Variants in SMAD6 observed in about 807,000 individuals in gnomAD.
SMAD6 encodes MAD homolog 6.
SMAD6 carries 103 observed loss-of-function variants against 39.4 expected under a neutral mutation model. That is an observed-to-expected ratio of 2.62 (90% CI 2.23 to 3.08). The LOEUF (loss-of-function observed/expected upper bound fraction) is 3.08, where lower values mean the gene tolerates loss of function less well. Among genes scored for constraint, SMAD6 ranks in the 30% most tolerant of loss-of-function variants. SMAD6 has a pLI of 0.00. For missense variants in SMAD6, 1,104 were observed against 742.9 expected, an observed-to-expected ratio of 1.49 and a Z score of -5.65; for synonymous variants, 445 against 353.3, an observed-to-expected ratio of 1.26 and a Z score of -2.91.
chr15:66,760,011 G>A (rs1296065536), intron 3 of SMAD6, among the ~76,000 whole-genome samples: 3 of 152,148 alleles, frequency 2.0e-5, no homozygotes, highest in Non-Finnish European at 2.9e-5. Flanking sequence ...CTGGTCAAAC[G>A]AGACCTTTCT....
chr15:66,747,673 C>G lies in SMAD6; in HGVS notation c.952+31175C>G, dbSNP rs1315406340. Among the ~76,000 whole-genome samples the G allele has an allele frequency of 6.6e-6, 1 of 152,176 alleles. No homozygotes were observed. The highest frequency in any genetic ancestry group is 1.5e-5 in the Non-Finnish European group (1 of 68,030). ...CGGTTTCCCCCTTAGTCATACCTACCTAGGATAATTGGAAAATGAGGAGTG... is the reference window on the plus strand; with the variant it reads ...CGGTTTCCCCCTTAGTCATACCTACGTAGGATAATTGGAAAATGAGGAGTG... On this transcript the variant is annotated intron_variant, in intron 3 of 3. Coordinates refer to ENST00000288840, the MANE Select transcript of SMAD6 (RefSeq NM_005585.5). This position sits in a 1 kb window ranked among gnomAD's most constrained non-coding sequence, Gnocchi z 4.5.
chr15:66,704,266 T>C, intron 1 of SMAD6, 191 bp downstream of exon 1: 1 of 400,432 alleles, frequency 2.5e-6, no homozygotes, highest in Non-Finnish European at 4.4e-6. Context: ...ACACATCAAG[T>C]GGCAACTTTA....
intron 1 of SMAD6, 74 bp downstream of exon 1, chr15:66,704,149 C>T (rs902865787): frequency 2.5e-6 from 3 of 1,178,440 alleles, no homozygotes; most frequent in African/African-American, 3.2e-5. Context: ...CTCTCTGTGA[C>T]ACTGCGGGTC....
Position 66,774,394 on chromosome 15 carries a change from A to G in SMAD6, c.953-6603A>G, listed in dbSNP as rs143198679. 7.6e-4 allele frequency among the ~76,000 whole-genome samples: 115 copies of G among 152,070 alleles called. 4 individuals carry two copies. In the East Asian group the frequency reaches 0.022, roughly 29 times the overall value. On this transcript the variant is annotated intron_variant, in intron 3 of 3. Transcript: ENST00000288840. Reference sequence around the variant, plus strand: ...CAAAATTACATGTTGGGCTCGCAGCACCCTCCCTGGGCAGAGAGGCGTAGA... The same window carrying G: ...CAAAATTACATGTTGGGCTCGCAGCGCCCTCCCTGGGCAGAGAGGCGTAGA...
At chr15:66,729,739 G>C (rs558440518) in intron 3 of SMAD6, among the ~76,000 whole-genome samples, 1 of 152,152 alleles carries the variant, frequency 6.6e-6, no homozygotes, top group East Asian at 1.9e-4. Flanking sequence ...GTGTTTATAG[G>C]CTTGATTCAC....
At chr15:66,732,649 A>G (rs1893650260) in intron 3 of SMAD6, among the ~76,000 whole-genome samples, 1 of 152,218 alleles carries the variant, frequency 6.6e-6, no homozygotes, top group East Asian at 1.9e-4. Flanking sequence ...GGTGTGAGCC[A>G]TCTCACCTGG....
chr15:66,711,344 A>G (rs545852819), intron 1 of SMAD6, among the ~76,000 whole-genome samples: 2 of 152,330 alleles, frequency 1.3e-5, no homozygotes, highest in South Asian at 2.1e-4. Flanking sequence ...AGCATTTTAC[A>G]TACATTATCC....
chr15:66,703,833 TG>T lies in SMAD6; in HGVS notation c.577del (p.Glu193ArgfsTer49). On this transcript the variant is annotated frameshift_variant, in exon 1 of 4. Transcript: ENST00000288840. LOFTEE classifies it high-confidence loss of function. ...RLKERSLDTL[L>X]EAVESRGGVP... is the part of the protein sequence containing the mutation. ...AAGGAGCGCTCGCTGGACACGCTGC[TG>T]GAGGCGGTGGAGTCCCGCGGCGGCG... 7.2e-7 allele frequency: 1 copy of T among 1,395,744 alleles called. No individual in the cohort carries two copies. Among genetic ancestry groups the T allele is most frequent in the Non-Finnish European group, 9.4e-7 (1 of 1,063,124 alleles). The allele number at this position is 1,395,744 out of a possible 1,614,324, so 86.5% of individuals were successfully genotyped here.
intron 3 of SMAD6, among the ~76,000 whole-genome samples, chr15:66,724,107 C>T (rs952053683): frequency 1.3e-5 from 2 of 152,028 alleles, no homozygotes; most frequent in South Asian, 2.1e-4. Flanking sequence ...AGTAAATAAG[C>T]GAGAGATGGA....
chr15:66,716,496 C>G lies in SMAD6; in HGVS notation c.950C>G (p.Ser317Ter), dbSNP rs1333161839. 2.5e-6 allele frequency: 4 copies of G among 1,610,248 alleles called. No homozygotes were observed. The highest frequency in any genetic ancestry group is 1.1e-5 in the South Asian group (1 of 91,016). ...NSLITAPGEF[S>*]DASMSPDATK... ...CTCATCACTGCTCCGGGTGAATTCT[C>G]AGGTCAGCATTTTTTCTTGTGCATT... The change falls in exon 3 of 4, where the codon TCA (serine) becomes TGA (stop). Residue 317 changes from serine (S) to a stop codon, truncating the protein, a stop_gained and splice_region_variant. Transcript: ENST00000288840. LOFTEE classifies it high-confidence loss of function.
intron 3 of SMAD6, among the ~76,000 whole-genome samples, chr15:66,754,531 T>C (rs1229912373): frequency 6.6e-6 from 1 of 152,190 alleles, no homozygotes; most frequent in African/African-American, 2.4e-5. Flanking sequence ...ATTGATACTA[T>C]GCGGTGGATA....
intron 3 of SMAD6, among the ~76,000 whole-genome samples, chr15:66,725,537 G>C (rs1448984432): frequency 6.6e-6 from 1 of 152,244 alleles, no homozygotes. Flanking sequence ...CTCACAGATA[G>C]GGATCTGGAA....
intron 1 of SMAD6, among the ~76,000 whole-genome samples, chr15:66,710,458 C>T (rs966184327): frequency 6.6e-6 from 1 of 152,168 alleles, no homozygotes; most frequent in African/African-American, 2.4e-5. Context: ...GCTGGAAAAG[C>T]CGGGGTGGGG....
chr15:66,725,439 G>A (rs1893505773), intron 3 of SMAD6, among the ~76,000 whole-genome samples: 1 of 152,228 alleles, frequency 6.6e-6, no homozygotes, highest in African/African-American at 2.4e-5. Context: ...GAGGTCTCAT[G>A]TCTGGAGCGG....
intron 3 of SMAD6, among the ~76,000 whole-genome samples, chr15:66,768,931 A>G (rs971973189): frequency 3.3e-5 from 5 of 152,178 alleles, no homozygotes; most frequent in African/African-American, 1.2e-4. Context: ...GATGAATTGG[A>G]TGGAGACACG....
At chr15:66,715,482 C>G (rs921572810) in intron 2 of SMAD6, among the ~76,000 whole-genome samples, 1 of 152,234 alleles carries the variant, frequency 6.6e-6, no homozygotes, top group East Asian at 1.9e-4. Context: ...TGGAGCCACC[C>G]GAGCCAGTCC....
At chr15:66,731,386 C>A (rs1050027115) in intron 3 of SMAD6, among the ~76,000 whole-genome samples, 1 of 145,916 alleles carries the variant, frequency 6.9e-6, no homozygotes, top group Non-Finnish European at 1.5e-5. Flanking sequence ...TGCAGTGAGC[C>A]GAGATCCCGC....
At chr15:66,741,095 G>T (rs893789622) in intron 3 of SMAD6, 1 of 152,130 alleles carries the variant, frequency 6.6e-6, no homozygotes, top group Non-Finnish European at 1.5e-5. Context: ...TCTGCCTTCC[G>T]GCTGGAAATA....
intron 3 of SMAD6, among the ~76,000 whole-genome samples, chr15:66,745,170 T>C (rs1567105712): frequency 6.6e-6 from 1 of 152,162 alleles, no homozygotes; most frequent in Non-Finnish European, 1.5e-5. Context: ...GATCCAACTC[T>C]TCCCTGGCTG....
Sources: gnomAD v4.1 joint callset for allele counts (sites outside exome capture counted in the v4.1 genomes callset) on GRCh38, gnomAD v4.1.1 for gene constraint, Gnocchi (gnomAD v3.1) non-coding constraint, MANE v1.5 for transcripts, NCBI Gene and HGNC (gene_info 2026-07-23, HGNC 2026-07-21) for gene names.